The following MED13L variants were observed in gnomAD, a reference collection of about 807,000 sequenced individuals.
MED13L encodes mediator complex subunit 13L.
Under a neutral mutation model 220.9 loss-of-function variants are expected in MED13L, and 7 were observed. The ratio of observed to expected loss-of-function variants is 0.03; its 90% CI spans 0.02 to 0.06. The LOEUF is 0.06. Ranked by LOEUF, MED13L falls within the 10% of genes least tolerant of loss-of-function variation. The pLI is 1.00. For synonymous variants in MED13L, 1,011 were observed against 1,015.2 expected (o/e 1.00, Z 0.08); for missense variants, 1,965 against 2,760.5 (o/e 0.71, Z 6.46).
Position 115,975,679 on chromosome 12 carries a change from C to T in MED13L, c.5424G>A (p.Lys1808=). ...PPFILAPIKD[K]QTELGETFGE... ...CAAACGTCTCTCCCAGCTCTGTCTG[C>T]TTGTCTTTGATTGGGGCCAATATAA... The change falls in exon 24 of 31, where the codon AAG becomes AAA. Residue 1808 remains lysine (K), a synonymous_variant. Transcript: ENST00000281928. 3 of 1,614,034 alleles carry T rather than the reference C, an allele frequency of 1.9e-6. No homozygotes were observed. The highest frequency in any genetic ancestry group is 1.1e-5 in the South Asian group (1 of 91,072).
chr12:116,133,308 A>G (rs1876239863), intron 2 of MED13L, among the ~76,000 whole-genome samples: 1 of 152,254 alleles, frequency 6.6e-6, no homozygotes, highest in South Asian at 2.1e-4. Flanking sequence ...CTGTGAGTCA[A>G]CATTGCCTAA....
At chr12:116,167,834 G>A (rs968616951) in intron 2 of MED13L, among the ~76,000 whole-genome samples, 1 of 151,880 alleles carries the variant, frequency 6.6e-6, no homozygotes, top group African/African-American at 2.4e-5. Context: ...GCTATAACAT[G>A]GCCTTTTGTG....
Position 116,236,595 on chromosome 12 carries a change from T to C in MED13L, c.310+873A>G, listed in dbSNP as rs567092398. ...AGACACAGATTAACACAATATAGTT[T>C]GGAGATAATAAAAGATGGTTCTAAG... On this transcript the variant is annotated intron_variant, in intron 2 of 30. Transcript: ENST00000281928. 2.0e-5 allele frequency among the ~76,000 whole-genome samples: 3 copies of C among 152,040 alleles called. No individual in the cohort carries two copies. In the South Asian group the frequency reaches 6.2e-4, roughly 32 times the overall value.
chr12:116,113,488 T>TA (rs1874255505), intron 2 of MED13L, among the ~76,000 whole-genome samples: 1 of 145,314 alleles, frequency 6.9e-6, no homozygotes, highest in Non-Finnish European at 1.5e-5. Flanking sequence ...AAAAAAAAAA[T>TA]TATATATATA....
chr12:116,008,862 T>C lies in MED13L; in HGVS notation c.1551A>G (p.Leu517=). 4 of 1,614,072 alleles carry C rather than the reference T, an allele frequency of 2.5e-6. No homozygotes were observed. Among genetic ancestry groups the C allele is most frequent in the African/African-American group, 1.3e-5 (1 of 75,044 alleles). The change falls in exon 10 of 31, where the codon TTA becomes TTG. Residue 517 remains leucine (L), a synonymous_variant. Coordinates refer to ENST00000281928, the MANE Select transcript of MED13L (RefSeq NM_015335.5). ...CATATTTCCTACTGCTAGACACCTC[T>C]AAGGAGGAGTCTATCCCTGCCAACC... ...KLGLAGIDSS[L]EVSSSRKYDK... is the part of the protein sequence containing the mutation.
intron 1 of MED13L, among the ~76,000 whole-genome samples, chr12:116,275,337 C>A (rs1294485103): frequency 1.3e-5 from 2 of 151,942 alleles, no homozygotes; most frequent in Non-Finnish European, 2.9e-5. Context: ...AAAATTATCA[C>A]AATACTAAGA....
In MED13L at chr12:116,082,220, TA is replaced by T. The variant is rs1042356312; in HGVS notation, c.479+14448del. On this transcript the variant is annotated intron_variant, in intron 4 of 30. Coordinates refer to ENST00000281928, the MANE Select transcript of MED13L (RefSeq NM_015335.5). ...TTATTTCATGTCAAACATTCTTATC[TA>T]GATCACTCTTTTCATTTCAAGCTAC... is the stretch of plus-strand genomic sequence containing the variant. 1.1e-4 allele frequency among the ~76,000 whole-genome samples: 17 copies of T among 152,324 alleles called. No individual in the cohort carries two copies. In the South Asian group the frequency reaches 2.1e-3, roughly 19 times the overall value.
chr12:116,159,457 C>T (rs1878691727), intron 2 of MED13L, among the ~76,000 whole-genome samples: 1 of 152,132 alleles, frequency 6.6e-6, no homozygotes, highest in Non-Finnish European at 1.5e-5. Flanking sequence ...ACAATTTCCT[C>T]TCATTACTTT....
intron 4 of MED13L, among the ~76,000 whole-genome samples, chr12:116,044,179 C>G (rs1592981313): frequency 6.6e-6 from 1 of 152,246 alleles, no homozygotes; most frequent in East Asian, 1.9e-4. Context: ...AGTGCCCACC[C>G]CATGGATTAC....
chr12:116,200,079 CAA>C (rs36110388), intron 2 of MED13L, among the ~76,000 whole-genome samples: 175 of 116,848 alleles, frequency 1.5e-3, no homozygotes, highest in African/African-American at 1.7e-3. Flanking sequence ...GGATGCTTTT[CAA>C]AAAAAAAAAA....
At position 115,984,483 on chromosome 12, in the gene MED13L, C is replaced by T; in HGVS notation, c.4339-111G>A. 2.5e-6 allele frequency: 3 copies of T among 1,219,992 alleles called. No individual in the cohort carries two copies. In the South Asian group the frequency reaches 4.0e-5, roughly 16 times the overall value. The allele number at this position is 1,219,992 out of a possible 1,614,324, so 75.6% of individuals were successfully genotyped here. A position where few individuals can be genotyped will look rare whatever the true frequency, so the allele number is the denominator to read the frequency against. The stretch of plus-strand genomic sequence containing the variant: ...TACATATGGAAGCATTTTCCTTTTT[C>T]TTTTAGGGTTATCACATGCAATCAA... On this transcript the variant is annotated intron_variant, in intron 19 of 30. Transcript: ENST00000281928.
intron 4 of MED13L, among the ~76,000 whole-genome samples, chr12:116,093,074 A>G (rs768802763): frequency 1.2e-4 from 19 of 152,216 alleles, no homozygotes; most frequent in Non-Finnish European, 2.4e-4. Flanking sequence ...TAAAATGTGG[A>G]TTGAGATTAA....
At chr12:116,111,281 T>C (rs1018334597) in intron 3 of MED13L, 147 bp downstream of exon 3, 13 of 700,498 alleles carry the variant, frequency 1.9e-5, no homozygotes, top group Non-Finnish European at 3.2e-5. Context: ...ATTATATCAA[T>C]AGAAAGAGAA....
chr12:116,183,000 A>G (rs1880632038), intron 2 of MED13L, among the ~76,000 whole-genome samples: 1 of 152,272 alleles, frequency 6.6e-6, no homozygotes, highest in African/African-American at 2.4e-5. Flanking sequence ...AATGTTAATC[A>G]AAAGAAAGAA....
intron 2 of MED13L, among the ~76,000 whole-genome samples, chr12:116,195,015 C>T (rs577087809): frequency 2.0e-5 from 3 of 152,288 alleles, no homozygotes; most frequent in East Asian, 1.9e-4. Context: ...ATAAAAGTGG[C>T]CCACCTAAGA....
intron 2 of MED13L, among the ~76,000 whole-genome samples, chr12:116,163,054 T>G (rs550780933): frequency 1.3e-5 from 2 of 152,298 alleles, no homozygotes; most frequent in Admixed American, 6.5e-5. Flanking sequence ...AAAGACATTT[T>G]TAATGCAAAA....
At chr12:116,189,601 T>C (rs925710098) in intron 2 of MED13L, among the ~76,000 whole-genome samples, 1 of 152,200 alleles carries the variant, frequency 6.6e-6, no homozygotes, top group Admixed American at 6.5e-5. Context: ...CCCAAAAGTT[T>C]TATAGTTTAC....
chr12:116,236,050 ATGT>A (rs892421622), intron 2 of MED13L, among the ~76,000 whole-genome samples: 1 of 152,206 alleles, frequency 6.6e-6, no homozygotes, highest in Non-Finnish European at 1.5e-5. Flanking sequence ...ACAAACAAAA[ATGT>A]TGTAATTATC....
chr12:116,075,282 C>T (rs1402057922), intron 4 of MED13L, among the ~76,000 whole-genome samples: 1 of 152,188 alleles, frequency 6.6e-6, no homozygotes, highest in Non-Finnish European at 1.5e-5. Flanking sequence ...CCCCATGTAT[C>T]TCAATTCCTT....
Sources: gnomAD v4.1 joint callset for allele counts (sites outside exome capture counted in the v4.1 genomes callset) on GRCh38, gnomAD v4.1.1 for gene constraint, MANE v1.5 for transcripts, NCBI Gene and HGNC (gene_info 2026-07-23, HGNC 2026-07-21) for gene names.